Variants in PRKAR1A observed in about 807,000 individuals in gnomAD.
PRKAR1A encodes cAMP-dependent protein kinase type I-alpha regulatory subunit.
In PRKAR1A, 3 loss-of-function variants were observed where a neutral mutation model predicts 52.0. The observed-to-expected ratio is 0.06, with a 90% confidence interval of 0.03 to 0.15. The LOEUF (loss-of-function observed/expected upper bound fraction) is 0.15, where lower values mean the gene tolerates loss of function less well. Ranked by LOEUF, PRKAR1A falls within the 10% of genes least tolerant of loss-of-function variation. The pLI, the probability that PRKAR1A is intolerant of heterozygous loss-of-function variation, is 1.00. For synonymous variants in PRKAR1A, 188 were observed against 168.4 expected (o/e 1.12, Z -0.90); for missense variants, 240 against 477.4 (o/e 0.50, Z 4.63).
the PRKAR1A span, among the ~76,000 whole-genome samples, chr17:68,471,586 G>A: frequency 1.1e-4 from 17 of 152,062 alleles, no homozygotes; most frequent in South Asian, 6.2e-4. Context: ...CCTCCTTTCC[G>A]TTCCGTCTCT....
At chr17:68,421,847 T>A in the PRKAR1A span, 1 of 1,614,116 alleles carries the variant, frequency 6.2e-7, no homozygotes, top group Non-Finnish European at 8.5e-7. Context: ...AGAATGGCCT[T>A]ACTCTTCTCA....
the PRKAR1A span, among the ~76,000 whole-genome samples, chr17:68,446,369 G>T: frequency 6.6e-6 from 1 of 151,874 alleles, no homozygotes; most frequent in Non-Finnish European, 1.5e-5. Flanking sequence ...TTTTTGTAGA[G>T]ACCCGGGTTT....
At chr17:68,513,676 A>G (rs964110694) in intron 1 of PRKAR1A, among the ~76,000 whole-genome samples, 3 of 152,090 alleles carry the variant, frequency 2.0e-5, no homozygotes, top group Admixed American at 2.0e-4. Flanking sequence ...AAATATTAAG[A>G]CTGTGAAGTC....
the PRKAR1A span, among the ~76,000 whole-genome samples, chr17:68,416,603 T>C: frequency 1.6e-4 from 25 of 152,200 alleles, no homozygotes; most frequent in African/African-American, 5.5e-4. Context: ...GGAACACCAA[T>C]TATTCTTAGA....
At chr17:68,447,915 C>T in the PRKAR1A span, among the ~76,000 whole-genome samples, 4 of 143,790 alleles carry the variant, frequency 2.8e-5, no homozygotes, top group South Asian at 8.7e-4. Flanking sequence ...ATTGCTTGAA[C>T]ACGGGAGGTA....
chr17:68,415,687 A>G, the PRKAR1A span, among the ~76,000 whole-genome samples: 1 of 152,114 alleles, frequency 6.6e-6, no homozygotes, highest in Non-Finnish European at 1.5e-5. Flanking sequence ...ATTATTTTAT[A>G]AATTTGGGAG....
At chr17:68,476,682 T>C in the PRKAR1A span, among the ~76,000 whole-genome samples, 1 of 151,746 alleles carries the variant, frequency 6.6e-6, no homozygotes, top group South Asian at 2.1e-4. Flanking sequence ...CTCTCTTTCT[T>C]TCTTTCTTAG....
Position 68,527,869 on chromosome 17 carries a change from T to C in PRKAR1A, c.738T>C (p.Tyr246=). The C allele has an allele frequency of 1.2e-6, 2 of 1,612,630 alleles. No homozygotes were observed. Among genetic ancestry groups the C allele is most frequent in the South Asian group, 1.1e-5 (1 of 91,058 alleles). ...GCACACTGAGAAAGCGGAAGATGTATGAGGAATTCCTTAGTAAAGTCTCTA... is the reference window on the plus strand; with the variant it reads ...GCACACTGAGAAAGCGGAAGATGTACGAGGAATTCCTTAGTAAAGTCTCTA... ...MGSTLRKRKM[Y]EEFLSKVSIL... Residue 246 remains tyrosine, a synonymous_variant, in exon 8 of 11, where the codon TAT becomes TAC. Transcript: ENST00000589228.
the PRKAR1A span, among the ~76,000 whole-genome samples, chr17:68,480,317 A>G: frequency 1.3e-5 from 2 of 152,124 alleles, no homozygotes; most frequent in Non-Finnish European, 2.9e-5. Flanking sequence ...ATTTATGAGA[A>G]TCCCTGTGGC....
intron 11 of PRKAR1A, among the ~76,000 whole-genome samples, chr17:68,550,717 C>T (rs538619978): frequency 1.3e-5 from 2 of 152,230 alleles, no homozygotes; most frequent in South Asian, 4.1e-4. Context: ...CTCAAGGTTG[C>T]CTGGGCCTTG....
the PRKAR1A span, among the ~76,000 whole-genome samples, chr17:68,469,156 C>T: frequency 3.9e-5 from 6 of 151,980 alleles, no homozygotes. Flanking sequence ...GAGATTTATC[C>T]CACACCAAAA....
At chr17:68,507,060 GA>G (rs1252356500), upstream of PRKAR1A, among the ~76,000 whole-genome samples, 1 of 151,986 alleles carries the variant, frequency 6.6e-6, no homozygotes, top group African/African-American at 2.4e-5. Flanking sequence ...CTCCAGCAAA[GA>G]AAAAAATGAA....
the PRKAR1A span, among the ~76,000 whole-genome samples, chr17:68,500,842 G>A: frequency 6.6e-6 from 1 of 152,106 alleles, no homozygotes; most frequent in Non-Finnish European, 1.5e-5. Flanking sequence ...TCAGCAGCAT[G>A]AAAATGGACA....
chr17:68,534,761 T>G (rs1475850769), downstream of PRKAR1A, among the ~76,000 whole-genome samples: 1 of 152,150 alleles, frequency 6.6e-6, no homozygotes, highest in Non-Finnish European at 1.5e-5. Flanking sequence ...AGTACAATGT[T>G]AATGAATCAG....
At chr17:68,421,672 C>T in the PRKAR1A span, 536 of 1,539,126 alleles carry the variant, frequency 3.5e-4, 1 homozygote, top group South Asian at 3.3e-5. Context: ...TTCCTGCCCC[C>T]CTTTCTGCTC....
intron 11 of PRKAR1A, chr17:68,540,685 G>T: frequency 1.2e-6 from 1 of 861,532 alleles, no homozygotes; most frequent in South Asian, 1.4e-5. Context: ...AGGGGAGCCT[G>T]TTACCTTCTG....
At chr17:68,528,827 C>T (rs1200456501) in intron 8 of PRKAR1A, 43 bp from the exon 9 acceptor site, 3 of 1,609,812 alleles carry the variant, frequency 1.9e-6, no homozygotes, top group South Asian at 2.2e-5. Context: ...TTTATAACAG[C>T]ACCAAATAAT....
the PRKAR1A span, among the ~76,000 whole-genome samples, chr17:68,465,222 G>A: frequency 6.6e-6 from 1 of 151,920 alleles, no homozygotes; most frequent in African/African-American, 2.4e-5. Context: ...GTGAGCCACC[G>A]CGCCCGGCCC....
the PRKAR1A span, among the ~76,000 whole-genome samples, chr17:68,431,697 C>T: frequency 6.6e-6 from 1 of 152,112 alleles, no homozygotes. Context: ...GTTCAAGGGC[C>T]CTGGCCAGCG....
Sources: gnomAD v4.1 joint callset for allele counts (sites outside exome capture counted in the v4.1 genomes callset) on GRCh38, gnomAD v4.1.1 for gene constraint, MANE v1.5 for transcripts, NCBI Gene and HGNC (gene_info 2026-07-23, HGNC 2026-07-21) for gene names.